Variants in OTOGL observed in about 807,000 individuals in gnomAD.
OTOGL encodes the protein otogelin like.
Under a neutral mutation model 318.5 loss-of-function variants are expected in OTOGL, and 285 were observed. The observed-to-expected ratio is 0.89, with a 90% confidence interval of 0.81 to 0.99. The LOEUF (loss-of-function observed/expected upper bound fraction) is 0.99. OTOGL is among the 50% of genes least tolerant of loss of function. OTOGL has a pLI of 0.00. For synonymous variants in OTOGL, 987 were observed against 936.5 expected (o/e 1.05, Z -0.99); for missense variants, 2,899 against 2,845.6 (o/e 1.02, Z -0.43).
intron 26 of OTOGL, among the ~76,000 whole-genome samples, chr12:80,287,886 A>C (rs1565956397): frequency 6.6e-6 from 1 of 152,146 alleles, no homozygotes; most frequent in Non-Finnish European, 1.5e-5. Context: ...TGGGGCATTT[A>C]GTGCATTTCC....
In OTOGL at chr12:80,222,181, C is replaced by A. The variant is rs1878410656; in HGVS notation, c.425C>A (p.Pro142Gln). ...ETFDGIYYYF[P>Q]GNCSYIFAKD... is the part of the protein sequence containing the mutation. ...TTCGATGGCATCTACTATTACTTCCCAGGAAACTGTTCTTACATTTTTGCA... is the reference window on the plus strand; with the variant it reads ...TTCGATGGCATCTACTATTACTTCCAAGGAAACTGTTCTTACATTTTTGCA... The change falls in exon 7 of 59, where the codon CCA (proline) becomes CAA (glutamine). Residue 142 changes from proline to glutamine, a missense_variant. Transcript: ENST00000547103. 1 of 1,597,894 alleles carries A rather than the reference C, an allele frequency of 6.3e-7. No individual in the cohort carries two copies. The highest frequency in any genetic ancestry group is 2.2e-5 in the East Asian group (1 of 44,854).
At chr12:80,367,433 A>C in intron 53 of OTOGL, 128 bp from the exon 54 acceptor site, 1 of 589,902 alleles carries the variant, frequency 1.7e-6, no homozygotes, top group Non-Finnish European at 2.7e-6. Flanking sequence ...GTAAATATGA[A>C]GATCTTCATT....
At chr12:80,333,724 A>G (rs1888221603) in intron 38 of OTOGL, among the ~76,000 whole-genome samples, 2 of 152,166 alleles carry the variant, frequency 1.3e-5, no homozygotes, top group Non-Finnish European at 2.9e-5. Flanking sequence ...GGAGAAAAAT[A>G]ATACTGTTTT....
chr12:80,188,834 T>C (rs989299119), intron 1 of OTOGL, among the ~76,000 whole-genome samples: 1 of 152,200 alleles, frequency 6.6e-6, no homozygotes. Flanking sequence ...CCTTTCAGTA[T>C]TTTTGTTTGA....
intron 1 of OTOGL, among the ~76,000 whole-genome samples, chr12:80,119,149 T>C (rs1870341725): frequency 6.6e-6 from 1 of 152,184 alleles, no homozygotes; most frequent in Admixed American, 6.5e-5. Context: ...TGACAGCTAC[T>C]GAATCCAAGA....
intron 1 of OTOGL, among the ~76,000 whole-genome samples, chr12:80,200,720 G>A (rs1483509982): frequency 3.3e-5 from 5 of 152,156 alleles, no homozygotes; most frequent in Non-Finnish European, 7.3e-5. Flanking sequence ...TTACAGCAGA[G>A]GCATACATTA....
At chr12:80,236,816 C>CT (rs1376942990) in intron 9 of OTOGL, among the ~76,000 whole-genome samples, 3,358 of 137,538 alleles carry the variant, frequency 0.024, 91 homozygotes, top group Non-Finnish European at 0.033. Context: ...TTTTTCTTTT[C>CT]TTTTTTTTTT....
intron 29 of OTOGL, among the ~76,000 whole-genome samples, chr12:80,308,871 G>A (rs1460912934): frequency 6.6e-6 from 1 of 152,198 alleles, no homozygotes. Context: ...GCAAGCTGAG[G>A]CAGGAGAATC....
At chr12:80,262,174 AT>A in intron 19 of OTOGL, 81 bp downstream of exon 19, 1 of 1,307,424 alleles carries the variant, frequency 7.6e-7, no homozygotes, top group Non-Finnish European at 1.0e-6. Flanking sequence ...ATAAAATTAG[AT>A]AGTTTAAATT....
chr12:80,339,323 T>TC (rs1888622972), intron 43 of OTOGL, 59 bp downstream of exon 43: 5 of 1,316,212 alleles, frequency 3.8e-6, no homozygotes, highest in Admixed American at 2.5e-5. Flanking sequence ...TTTTTTTTTT[T>TC]CTATTCACGC....
chr12:80,144,133 G>A (rs532630556), intron 1 of OTOGL, among the ~76,000 whole-genome samples: 2 of 150,746 alleles, frequency 1.3e-5, no homozygotes, highest in East Asian at 3.9e-4. Flanking sequence ...GTAAACATGT[G>A]CCACGCTGGT....
At chr12:80,178,061 C>CTTTTTTTTTTTTTTTTTTTTTTTTTTCTT (rs71094968) in intron 1 of OTOGL, among the ~76,000 whole-genome samples, 1 of 74,920 alleles carries the variant, frequency 1.3e-5, no homozygotes, top group Non-Finnish European at 2.6e-5. Context: ...TTCTTTCTTT[C>CTTTTTTTTTTTTTTTTTTTTTTTTTTCTT]TTTTTTTTTT....
intron 46 of OTOGL, among the ~76,000 whole-genome samples, chr12:80,355,203 TTTTC>T (rs1339597956): frequency 8.5e-5 from 4 of 46,946 alleles, no homozygotes; most frequent in Non-Finnish European, 1.4e-4. Context: ...TCTTTTACTT[TTTTC>T]TTTTCTTTCT....
At chr12:80,189,965 G>GTGAC (rs1214106613) in intron 1 of OTOGL, among the ~76,000 whole-genome samples, 1 of 152,156 alleles carries the variant, frequency 6.6e-6, no homozygotes, top group Non-Finnish European at 1.5e-5. Context: ...GGTAGCTTGG[G>GTGAC]TGACTGGAAG....
intron 50 of OTOGL, 135 bp from the exon 51 acceptor site, chr12:80,358,536 A>G (rs948155309): frequency 2.4e-6 from 2 of 832,092 alleles, no homozygotes; most frequent in East Asian, 2.7e-5. Context: ...ACACATGGCA[A>G]TCTGACGGTG....
At chr12:80,132,859 T>C (rs550826998) in intron 1 of OTOGL, 71 of 152,268 alleles carry the variant, frequency 4.7e-4, no homozygotes, top group African/African-American at 1.7e-3. Flanking sequence ...AGGTTGAACA[T>C]TATGAAGGTG....
intron 1 of OTOGL, among the ~76,000 whole-genome samples, chr12:80,116,286 T>TC (rs945720151): frequency 2.0e-5 from 3 of 152,002 alleles, no homozygotes; most frequent in Admixed American, 6.6e-5. Flanking sequence ...CCTCACAGTT[T>TC]CCCTTGGATA....
chr12:80,190,127 A>G lies in OTOGL; in HGVS notation c.-19-19286A>G, dbSNP rs536564055. Reference sequence around the variant, plus strand: ...ATGATTTATTTTGGCACATGATGGCATTAATAGCAAATTGTATTTGGATGT... The same window carrying G: ...ATGATTTATTTTGGCACATGATGGCGTTAATAGCAAATTGTATTTGGATGT... On this transcript the variant is annotated intron_variant, in intron 1 of 58. Transcript: ENST00000547103. Among the ~76,000 whole-genome samples the G allele has an allele frequency of 6.6e-5, 10 of 152,322 alleles. No individual in the cohort carries two copies. The South Asian group carries it at 1.9e-3, about 28-fold the overall frequency.
At chr12:80,264,914 G>A in intron 19 of OTOGL, 87 bp from the exon 20 acceptor site, 4 of 1,333,454 alleles carry the variant, frequency 3.0e-6, no homozygotes, top group Non-Finnish European at 4.3e-6. Flanking sequence ...ATGCACTACA[G>A]TGTATTTCTA....
Sources: allele counts gnomAD v4.1 joint callset (sites outside exome capture counted in the v4.1 genomes callset), GRCh38; gene constraint gnomAD v4.1.1; transcripts MANE v1.5; gene names NCBI Gene and HGNC (gene_info 2026-07-23, HGNC 2026-07-21).